CLCNKB: variants seen among roughly 807,000 people sequenced by gnomAD.
CLCNKB encodes chloride channel protein ClC-Kb.
Under a neutral mutation model 83.8 loss-of-function variants are expected in CLCNKB, and 74 were observed. The observed-to-expected ratio is 0.88, with a 90% CI of 0.73 to 1.07. The LOEUF is 1.07. Among genes scored for constraint, CLCNKB ranks in the 50% least tolerant of loss-of-function variants. The probability of loss-of-function intolerance (pLI) is 0.00; values close to 1 mark genes in which losing one functional copy is unlikely to be tolerated. For missense variants in CLCNKB, 798 were observed against 893.6 expected, an observed-to-expected ratio of 0.89 and a Z score of 1.36; for synonymous variants, 358 against 356.6, an observed-to-expected ratio of 1.00 and a Z score of -0.04.
At chr1:16,053,344 C>A (rs1175615050) in intron 15 of CLCNKB, among the ~76,000 whole-genome samples, 2 of 152,078 alleles carry the variant, frequency 1.3e-5, no homozygotes, top group African/African-American at 2.4e-5. Flanking sequence ...ACTTTTTACT[C>A]AAATTAAATC....
chr1:16,044,362 C>CACACACACACACACACACAT, intron 1 of CLCNKB, 124 bp from the exon 2 acceptor site: 1 of 718,376 alleles, frequency 1.4e-6, no homozygotes, highest in South Asian at 1.5e-5. Flanking sequence ...CACATACACA[C>CACACACACACACACACACAT]ACACACACAC....
intron 4 of CLCNKB, 120 bp downstream of exon 4, chr1:16,046,783 G>C: frequency 7.5e-7 from 1 of 1,334,962 alleles, no homozygotes; most frequent in South Asian, 1.2e-5. Flanking sequence ...CATGTGGCTT[G>C]CCCAAAGGGA....
intron 14 of CLCNKB, 47 bp downstream of exon 14, chr1:16,051,867 G>T (rs377197379): frequency 2.0e-6 from 3 of 1,501,062 alleles, no homozygotes; most frequent in Non-Finnish European, 2.8e-6. Context: ...GTGCGGCTGG[G>T]CTGGACCTGG....
intron 7 of CLCNKB, 55 bp downstream of exon 7, chr1:16,048,637 C>A: frequency 6.2e-7 from 1 of 1,605,350 alleles, no homozygotes; most frequent in Non-Finnish European, 8.5e-7. Context: ...CCCCTCACAC[C>A]CTGGGCTCCT....
In CLCNKB at chr1:16,055,461, C is replaced by A. The variant is rs370221310; in HGVS notation, c.1783C>A (p.Arg595=). ...GTCCCAGATCCTGGTGGGCATAGTG[C>A]GAAGGGCCCAGCTGGTGCAGGCCCT... ...TESQILVGIV[R]RAQLVQALKA... is the part of the protein sequence containing the mutation. Residue 595 remains arginine, a synonymous_variant, in exon 17 of 20, where the codon CGA becomes AGA. Transcript: ENST00000375679. 1.2e-6 allele frequency: 2 copies of A among 1,612,956 alleles called. No individual in the cohort carries two copies. Among genetic ancestry groups the A allele is most frequent in the Non-Finnish European group, 8.5e-7 (1 of 1,179,828 alleles).
intron 7 of CLCNKB, 59 bp from the exon 8 acceptor site, chr1:16,049,061 T>C (rs752208315): frequency 3.4e-5 from 55 of 1,610,630 alleles, no homozygotes; most frequent in Middle Eastern, 1.8e-4. Flanking sequence ...GGGGAGGGGG[T>C]CCTACAGTCA....
chr1:16,045,584 C>G lies in CLCNKB; in HGVS notation c.127C>G (p.Leu43Val), dbSNP rs148698605. ...TGGCCTGGAGTGGCTGAAGCAGAAG[C>G]TCTTCCGCCTGGGCGAGGACTGGTA... ...RGGLEWLKQK[L>V]FRLGEDWYFL... Residue 43 changes from leucine to valine, a missense_variant, in exon 3 of 20, where the codon CTC becomes GTC. Leu to Val is a conservative substitution (Grantham distance 32, BLOSUM62 1). Coordinates refer to ENST00000375679, the MANE Select transcript of CLCNKB (RefSeq NM_000085.5). 18 of 1,613,790 alleles carry G rather than the reference C, an allele frequency of 1.1e-5. No homozygotes were observed. The highest frequency in any genetic ancestry group is 1.5e-5 in the Non-Finnish European group (18 of 1,179,830).
chr1:16,055,633 G>T (rs1205017676), intron 17 of CLCNKB, 42 bp from the exon 18 acceptor site: 1 of 1,605,630 alleles, frequency 6.2e-7, no homozygotes, highest in African/African-American at 1.3e-5. Flanking sequence ...GAGGCATCCT[G>T]GGGAGGCCAG....
intron 8 of CLCNKB, 110 bp downstream of exon 8, chr1:16,049,355 CT>C: frequency 1.9e-6 from 3 of 1,546,304 alleles, no homozygotes; most frequent in South Asian, 1.2e-5. Flanking sequence ...CTCTCTCCCT[CT>C]TTTTCCTCTT....
Position 16,050,507 on chromosome 1 carries a change from C to A in CLCNKB, c.969-9C>A. On this transcript the variant is annotated splice_polypyrimidine_tract_variant and intron_variant, in intron 10 of 19. Coordinates refer to ENST00000375679, the MANE Select transcript of CLCNKB (RefSeq NM_000085.5). ...AGGGCCAGCCCTAGAGCCCACCCAT[C>A]CCCCACAGCAAGCCTGTGTACTCCG... The A allele has an allele frequency of 1.9e-6, 3 of 1,613,920 alleles. No homozygotes were observed. The highest frequency in any genetic ancestry group is 2.5e-6 in the Non-Finnish European group (3 of 1,179,894).
At chr1:16,050,644 T>A in intron 11 of CLCNKB, 44 bp downstream of exon 11, 1 of 1,589,628 alleles carries the variant, frequency 6.3e-7, no homozygotes, top group Non-Finnish European at 8.6e-7. Flanking sequence ...GAAGCCCTAT[T>A]TGTTGCCTCC....
intron 19 of CLCNKB, 52 bp downstream of exon 19, chr1:16,056,560 C>CTGGGGAGG (rs778443472): frequency 8.9e-6 from 4 of 447,036 alleles, no homozygotes; most frequent in Non-Finnish European, 1.3e-5. Flanking sequence ...CCTGAGAAGA[C>CTGGGGAGG]TGGGGAGGTG....
At chr1:16,050,431 G>C in intron 10 of CLCNKB, 85 bp from the exon 11 acceptor site, 5 of 1,448,806 alleles carry the variant, frequency 3.5e-6, no homozygotes, top group Non-Finnish European at 4.8e-6. Context: ...TTCCTCCCCA[G>C]TCCTTGCCTT....
At position 16,053,728 on chromosome 1, in the gene CLCNKB, T is replaced by C; in HGVS notation, c.1712T>C (p.Val571Ala). The change falls in exon 16 of 20, where the codon GTG (valine) becomes GCG (alanine). Residue 571 changes from valine to alanine, a missense_variant. Transcript: ENST00000375679. ...CCACTGGAGGAGGTGGTCAAGGTTGTGACCTCCACAGACGTGGCCAAGTAT... is the reference window on the plus strand; with the variant it reads ...CCACTGGAGGAGGTGGTCAAGGTTGCGACCTCCACAGACGTGGCCAAGTAT... Reference protein sequence around the residue: ...DMPLEEVVKVVTSTDVAKYPL... With the variant: ...DMPLEEVVKVATSTDVAKYPL... 6.2e-7 allele frequency: 1 copy of C among 1,613,926 alleles called. No homozygotes were observed. Among genetic ancestry groups the C allele is most frequent in the Non-Finnish European group, 8.5e-7 (1 of 1,180,012 alleles).
rs370221310 is a variant in CLCNKB at position 16,055,461 on chromosome 1, C to T, written c.1783C>T (p.Arg595Ter). ...GTCCCAGATCCTGGTGGGCATAGTG[C>T]GAAGGGCCCAGCTGGTGCAGGCCCT... is the stretch of plus-strand genomic sequence containing the variant. The part of the protein sequence containing the change: ...TESQILVGIV[R>*]RAQLVQALKA... Residue 595 changes from arginine to a stop codon, truncating the protein, a stop_gained, in exon 17 of 20, where the codon CGA (arginine) becomes TGA (stop). Transcript: ENST00000375679. LOFTEE classifies it high-confidence loss of function. 51 of 1,612,956 alleles carry T rather than the reference C, an allele frequency of 3.2e-5. No individual in the cohort carries two copies. The Admixed American group carries it at 4.0e-4, about 13-fold the overall frequency.
At chr1:16,048,226 C>T (rs1265824337) in intron 5 of CLCNKB, 117 bp from the exon 6 acceptor site, 5 of 1,462,618 alleles carry the variant, frequency 3.4e-6, no homozygotes, top group East Asian at 2.4e-5. Flanking sequence ...CATCTGAGGA[C>T]GGCCGTGGGG....
chr1:16,051,469 C>G lies in CLCNKB; in HGVS notation c.1228-9C>G, dbSNP rs760802722. On this transcript the variant is annotated splice_polypyrimidine_tract_variant and intron_variant, in intron 12 of 19. Coordinates refer to ENST00000375679, the MANE Select transcript of CLCNKB (RefSeq NM_000085.5). ...TCTAACCTCTGCCCTGGGCTCCCCACTCCCACAGTTCTGGATGCTGATTCT... is the reference window on the plus strand; with the variant it reads ...TCTAACCTCTGCCCTGGGCTCCCCAGTCCCACAGTTCTGGATGCTGATTCT... 6 of 1,614,100 alleles carry G rather than the reference C, an allele frequency of 3.7e-6. No homozygotes were observed. The highest frequency in any genetic ancestry group is 5.1e-6 in the Non-Finnish European group (6 of 1,179,978).
chr1:16,048,896 G>A, intron 7 of CLCNKB: 1 of 1,446,612 alleles, frequency 6.9e-7, no homozygotes, highest in South Asian at 1.5e-5. Flanking sequence ...GTCCCCACCC[G>A]ATAGCGAGAG....
At chr1:16,054,760 C>G (rs962885280) in intron 16 of CLCNKB, among the ~76,000 whole-genome samples, 1 of 152,058 alleles carries the variant, frequency 6.6e-6, no homozygotes, top group African/African-American at 2.4e-5. Context: ...CCTCTTTTAC[C>G]CTCAGAGCCA....
Sources: allele counts gnomAD v4.1 joint callset (sites outside exome capture counted in the v4.1 genomes callset), GRCh38; gene constraint gnomAD v4.1.1; transcripts MANE v1.5; gene names NCBI Gene and HGNC (gene_info 2026-07-23, HGNC 2026-07-21).